Variants in C20orf173 observed in about 807,000 individuals in gnomAD.
The protein encoded by C20orf173 is uncharacterized protein C20orf173.
A neutral mutation model predicts 26.7 loss-of-function variants in C20orf173; 22 were observed. The observed-to-expected ratio is 0.82, with a 90% CI of 0.59 to 1.18. C20orf173 has a LOEUF of 1.18. C20orf173 is among the 50% of genes most tolerant of loss of function. The probability of loss-of-function intolerance (pLI) is 0.00; values close to 1 mark genes in which losing one functional copy is unlikely to be tolerated. For synonymous variants in C20orf173, 85 were observed against 96.4 expected, an observed-to-expected ratio of 0.88 and a Z score of 0.69; for missense variants, 210 against 250.3, an observed-to-expected ratio of 0.84 and a Z score of 1.09.
intron 1 of C20orf173, 65 bp downstream of exon 1, chr20:35,529,494 C>T (rs2064535685): frequency 3.5e-6 from 3 of 868,976 alleles, no homozygotes; most frequent in Non-Finnish European, 5.2e-6. Context: ...TCCACAACTC[C>T]CCATCCCACC....
At position 35,529,218 on chromosome 20, in the gene C20orf173, C is replaced by A. The variant is rs1276118079; in HGVS notation, c.156G>T (p.Gly52=). 6.4e-7 allele frequency: 1 copy of A among 1,551,680 alleles called. No homozygotes were observed. Among genetic ancestry groups the A allele is most frequent in the East Asian group, 2.4e-5 (1 of 40,924 alleles). The part of the protein sequence containing the change: ...QHCDCPWFSS[G]KCGCPSETLN... Reference sequence around the variant, plus strand: ...GGGTCTCAGAAGGGCAGCCACACTTCCCGGAACTGAACCAAGGGCAGTCGC... The same window carrying A: ...GGGTCTCAGAAGGGCAGCCACACTTACCGGAACTGAACCAAGGGCAGTCGC... The change falls in exon 2 of 6, where the codon GGG becomes GGT. Residue 52 remains glycine (G), a synonymous_variant. Transcript: ENST00000444723.
intron 1 of C20orf173, 66 bp downstream of exon 1, chr20:35,529,493 C>T (rs2064535632): frequency 1.2e-6 from 1 of 865,398 alleles, no homozygotes; most frequent in Non-Finnish European, 1.7e-6. Context: ...CTCCACAACT[C>T]CCCATCCCAC....
chr20:35,529,281 T>C lies in C20orf173; in HGVS notation c.93A>G (p.Ala31=). ...CCAAGTACATTCGTTTTTCCTGGGG[T>C]GCTGATTCAGGTGTCAGATCCAGAT... ...TPYLDLTPES[A]PQEKRMYLVP... Residue 31 remains alanine, a synonymous_variant, in exon 2 of 6, where the codon GCA becomes GCG. Transcript: ENST00000444723. 1 of 1,551,436 alleles carries C rather than the reference T, an allele frequency of 6.4e-7. No homozygotes were observed. Among genetic ancestry groups the C allele is most frequent in the Non-Finnish European group, 8.7e-7 (1 of 1,146,956 alleles).
chr20:35,522,630 G>C (rs1439817968), downstream of C20orf173: 1 of 152,738 alleles, frequency 6.5e-6, no homozygotes, highest in African/African-American at 2.4e-5. Flanking sequence ...GGAGGAAAAG[G>C]CTTCGGCTTG....
downstream of C20orf173, chr20:35,526,907 A>T (rs1245359872): frequency 1.3e-5 from 2 of 152,126 alleles, no homozygotes; most frequent in Non-Finnish European, 2.9e-5. Flanking sequence ...AAAGAAATCA[A>T]CTCAAATATT....
downstream of C20orf173, among the ~76,000 whole-genome samples, chr20:35,524,630 T>A (rs576411372): frequency 2.6e-5 from 4 of 152,308 alleles, no homozygotes; most frequent in South Asian, 8.3e-4. Flanking sequence ...GTTTACATTA[T>A]TGTAACTAGA....
intron 5 of C20orf173, among the ~76,000 whole-genome samples, chr20:35,527,635 T>TC (rs376751137): frequency 6.6e-6 from 1 of 151,164 alleles, no homozygotes; most frequent in South Asian, 2.1e-4. Context: ...CTTTTTTTTT[T>TC]CTGAGATGGA....
chr20:35,527,669 A>G (rs968596837), intron 5 of C20orf173, among the ~76,000 whole-genome samples: 1 of 151,254 alleles, frequency 6.6e-6, no homozygotes, highest in South Asian at 2.1e-4. Flanking sequence ...ACCAGGCTGG[A>G]GTGCAGTGGC....
In C20orf173 at chr20:35,528,475, C is replaced by T. The variant is rs1427064609; in HGVS notation, c.558G>A (p.Trp186Ter). 1 of 1,551,728 alleles carries T rather than the reference C, an allele frequency of 6.4e-7. No individual in the cohort carries two copies. The highest frequency in any genetic ancestry group is 2.4e-5 in the East Asian group (1 of 40,924). Reference sequence around the variant, plus strand: ...CCTTATCACTTAGAGCATCTGAAGTCCACACCAGGTCAGAGAGCTTCCGCA... The same window carrying T: ...CCTTATCACTTAGAGCATCTGAAGTTCACACCAGGTCAGAGAGCTTCCGCA... Reference protein sequence around the residue: ...MLLRKLSDLVWTSDALSDKIL... With the variant: ...MLLRKLSDLV The change falls in exon 4 of 6, where the codon TGG becomes TGA. Residue 186 changes from tryptophan (W) to a stop codon, truncating the protein, a stop_gained. Coordinates refer to ENST00000444723, the MANE Select transcript of C20orf173 (RefSeq NM_001145350.2). LOFTEE classifies it high-confidence loss of function.
At chr20:35,527,421 C>T (rs1263185738) in intron 5 of C20orf173, among the ~76,000 whole-genome samples, 171 bp from the exon 6 acceptor site, 2 of 151,796 alleles carry the variant, frequency 1.3e-5, no homozygotes, top group East Asian at 3.9e-4. Context: ...CTGAGGATCC[C>T]AAAAAAGAGA....
chr20:35,529,416 C>G lies in C20orf173; in HGVS notation c.-43G>C. The G allele has an allele frequency of 6.7e-7, 1 of 1,484,490 alleles. No individual in the cohort carries two copies. The highest frequency in any genetic ancestry group is 9.0e-7 in the Non-Finnish European group (1 of 1,116,182). 92.0% of individuals were successfully genotyped at this position (1,484,490 alleles called of 1,614,324 possible). ...GCTCCCGTGGTGGGCCGTAGACTGG[C>G]TTCTCTACCTGTAAGGATGAGGGGC... On this transcript the variant is annotated 5_prime_UTR_variant, in exon 2 of 6. Coordinates refer to ENST00000444723, the MANE Select transcript of C20orf173 (RefSeq NM_001145350.2).
In C20orf173 at chr20:35,528,272, C is replaced by G; in HGVS notation, c.595G>C (p.Gly199Arg). ...CTTCCACTCCACTAGGGAACCAGACCATCTTCCAAAATCTGAGAAAGAATT... is the reference window on the plus strand; with the variant it reads ...CTTCCACTCCACTAGGGAACCAGACGATCTTCCAAAATCTGAGAAAGAATT... ...DALSDKILED[G>R]LVP Residue 199 changes from glycine (G) to arginine (R), a missense_variant, in exon 5 of 6, where the codon GGT becomes CGT. Coordinates refer to ENST00000444723, the MANE Select transcript of C20orf173 (RefSeq NM_001145350.2). 1 of 1,552,076 alleles carries G rather than the reference C, an allele frequency of 6.4e-7. No individual in the cohort carries two copies.
rs141795719 is a variant in C20orf173, at chr20:35,529,268, G to A, written c.106C>T (p.Arg36Ter). 3.6e-4 allele frequency: 563 copies of A among 1,551,632 alleles called. 4 individuals carry two copies. The East Asian group carries it at 6.7e-3, about 18-fold the overall frequency. The change falls in exon 2 of 6, where the codon CGA (arginine) becomes TGA (stop). Residue 36 changes from arginine (R) to a stop codon, truncating the protein, a stop_gained. Transcript: ENST00000444723. LOFTEE classifies it high-confidence loss of function. ...LTPESAPQEKRMYLVPQHCDC... is the reference protein window; with the variant it reads ...LTPESAPQEK ...CAATGCTGTGGTACCAAGTACATTCGTTTTTCCTGGGGTGCTGATTCAGGT... is the reference window on the plus strand; with the variant it reads ...CAATGCTGTGGTACCAAGTACATTCATTTTTCCTGGGGTGCTGATTCAGGT...
In C20orf173 at chr20:35,529,244, A is replaced by G; in HGVS notation, c.130T>C (p.Cys44Arg). The change falls in exon 2 of 6, where the codon TGC becomes CGC. Residue 44 changes from cysteine (C) to arginine (R), a missense_variant. Cys to Arg is a radical substitution (Grantham distance 180). Coordinates refer to ENST00000444723, the MANE Select transcript of C20orf173 (RefSeq NM_001145350.2). ...CCGGAACTGAACCAAGGGCAGTCGC[A>G]ATGCTGTGGTACCAAGTACATTCGT... Reference protein sequence around the residue: ...EKRMYLVPQHCDCPWFSSGKC... With the variant: ...EKRMYLVPQHRDCPWFSSGKC... 6.4e-7 allele frequency: 1 copy of G among 1,551,654 alleles called. No individual in the cohort carries two copies. Among genetic ancestry groups the G allele is most frequent in the African/African-American group, 1.4e-5 (1 of 73,166 alleles).
chr20:35,529,257 C>A lies in C20orf173; in HGVS notation c.117G>T (p.Leu39Phe), dbSNP rs1054934729. 1 of 1,551,620 alleles carries A rather than the reference C, an allele frequency of 6.4e-7. No homozygotes were observed. The highest frequency in any genetic ancestry group is 8.7e-7 in the Non-Finnish European group (1 of 1,146,966). ...ESAPQEKRMY[L>F]VPQHCDCPWF... is the part of the protein sequence containing the mutation. ...AAGGGCAGTCGCAATGCTGTGGTAC[C>A]AAGTACATTCGTTTTTCCTGGGGTG... The change falls in exon 2 of 6, where the codon TTG (leucine) becomes TTT (phenylalanine). Residue 39 changes from leucine to phenylalanine, a missense_variant. Coordinates refer to ENST00000444723, the MANE Select transcript of C20orf173 (RefSeq NM_001145350.2).
In C20orf173 at chr20:35,528,257, A is replaced by G; in HGVS notation, c.*1T>C. 6.4e-7 allele frequency: 1 copy of G among 1,552,014 alleles called. No homozygotes were observed. The highest frequency in any genetic ancestry group is 1.2e-5 in the South Asian group (1 of 84,054). ...CCGTGTCTTTGCTATCTTCCACTCC[A>G]CTAGGGAACCAGACCATCTTCCAAA... is the stretch of plus-strand genomic sequence containing the variant. On this transcript the variant is annotated 3_prime_UTR_variant, in exon 5 of 6. Coordinates refer to ENST00000444723, the MANE Select transcript of C20orf173 (RefSeq NM_001145350.2).
chr20:35,524,820 T>C (rs1409926836), downstream of C20orf173, among the ~76,000 whole-genome samples: 2 of 151,844 alleles, frequency 1.3e-5, no homozygotes, highest in Non-Finnish European at 2.9e-5. Flanking sequence ...TGTCTCAGCC[T>C]CCTGAGTAGC....
At chr20:35,521,612 T>G (rs1224902345), downstream of C20orf173, among the ~76,000 whole-genome samples, 4 of 150,698 alleles carry the variant, frequency 2.7e-5, no homozygotes, top group African/African-American at 9.7e-5. Flanking sequence ...AAGACAGATT[T>G]TTTTTTTTTT....
At chr20:35,524,683 T>A (rs2064493186), downstream of C20orf173, among the ~76,000 whole-genome samples, 1 of 151,306 alleles carries the variant, frequency 6.6e-6, no homozygotes, top group Non-Finnish European at 1.5e-5. Context: ...AAGACTACCT[T>A]TTTTTGTTCA....
Sources: allele counts gnomAD v4.1 joint callset (sites outside exome capture counted in the v4.1 genomes callset), GRCh38; gene constraint gnomAD v4.1.1; transcripts MANE v1.5; gene names NCBI Gene and HGNC (gene_info 2026-07-23, HGNC 2026-07-21).